Variants in SGCZ observed in about 807,000 individuals in gnomAD.
SGCZ encodes the protein zeta-sarcoglycan.
In SGCZ, 40 loss-of-function variants were observed where a neutral mutation model predicts 41.3. The observed-to-expected ratio is 0.97, with a 90% CI of 0.75 to 1.26. The LOEUF is 1.26. Among genes scored for constraint, SGCZ ranks in the 50% most tolerant of loss-of-function variants. The probability of loss-of-function intolerance (pLI) is 0.00; values close to 1 mark genes in which losing one functional copy is unlikely to be tolerated. For missense variants in SGCZ, 552 were observed against 369.8 expected, an observed-to-expected ratio of 1.49 and a Z score of -4.04; for synonymous variants, 206 against 137.5, an observed-to-expected ratio of 1.50 and a Z score of -3.49.
chr8:14,262,667 A>C (rs895446596), intron 3 of SGCZ, among the ~76,000 whole-genome samples: 2 of 151,884 alleles, frequency 1.3e-5, no homozygotes, highest in African/African-American at 2.4e-5. Flanking sequence ...TTTTATTGTC[A>C]TCGAGCTTTA....
At chr8:14,710,201 TA>T (rs200986748) in intron 1 of SGCZ, among the ~76,000 whole-genome samples, 2 of 133,528 alleles carry the variant, frequency 1.5e-5, no homozygotes, top group Non-Finnish European at 1.6e-5. Context: ...CCGTCTCTAC[TA>T]AAAAAAACAA....
At chr8:15,113,204 G>T in intron 1 of SGCZ, among the ~76,000 whole-genome samples, 1 of 95,162 alleles carries the variant, frequency 1.1e-5, no homozygotes. Flanking sequence ...GCGAGACCTG[G>T]CTCAAAAAAA....
chr8:14,580,125 A>G lies in SGCZ; in HGVS notation c.40-25199T>C, dbSNP rs113292207. ...CCCGGAGAAAGACAGACCTAATAAC[A>G]TAATCACAAACACAGAATTGCTCAG... On this transcript the variant is annotated intron_variant, in intron 1 of 7. Transcript: ENST00000382080. Among the ~76,000 whole-genome samples, 916 of 152,308 alleles carry G rather than the reference A, an allele frequency of 6.0e-3. 12 individuals carry two copies. Among genetic ancestry groups the G allele is most frequent in the African/African-American group, 0.02 (849 of 41,576 alleles).
intron 2 of SGCZ, among the ~76,000 whole-genome samples, chr8:14,509,791 T>C (rs181344371): frequency 1.8e-4 from 27 of 152,184 alleles, no homozygotes; most frequent in Non-Finnish European, 8.8e-5. Context: ...CTTACAATCA[T>C]GGCAGAAGGG....
intron 1 of SGCZ, among the ~76,000 whole-genome samples, chr8:15,015,709 GAA>G (rs1803003390): frequency 1.6e-5 from 2 of 124,556 alleles, no homozygotes; most frequent in African/African-American, 2.9e-5. Flanking sequence ...AAAAAGAAAA[GAA>G]AAAAGAAATA....
chr8:14,210,655 C>G (rs866438242), intron 4 of SGCZ, among the ~76,000 whole-genome samples: 1 of 150,304 alleles, frequency 6.7e-6, no homozygotes, highest in African/African-American at 2.5e-5. Context: ...TTAGTAGAGA[C>G]GGGGTTTCAT....
Position 14,886,032 on chromosome 8 carries a change from TATAA to T in SGCZ, c.40-331110_40-331107del, listed in dbSNP as rs1453520945. Among the ~76,000 whole-genome samples, 12 of 109,764 alleles carry T rather than the reference TATAA, an allele frequency of 1.1e-4. No homozygotes were observed. The East Asian group carries it at 2.6e-3, about 24-fold the overall frequency. The allele number at this position is 109,764 out of a possible 152,430, so 72.0% of individuals were successfully genotyped here. ...ATATATATATATATATATATATATA[TATAA>T]AATTGTATACTTAGCTTTTTCACTT... On this transcript the variant is annotated intron_variant, in intron 1 of 7. Coordinates refer to ENST00000382080, the MANE Select transcript of SGCZ (RefSeq NM_139167.4).
At chr8:14,660,005 C>A (rs770111329) in intron 1 of SGCZ, among the ~76,000 whole-genome samples, 11 of 152,074 alleles carry the variant, frequency 7.2e-5, no homozygotes, top group African/African-American at 1.4e-4. Flanking sequence ...CAAGGAACAC[C>A]TGAGGCTACC....
intron 2 of SGCZ, among the ~76,000 whole-genome samples, chr8:14,408,171 AT>A (rs1799262856): frequency 6.6e-6 from 1 of 152,174 alleles, no homozygotes; most frequent in East Asian, 1.9e-4. Flanking sequence ...GTTTTTAGAC[AT>A]TATGGAAAGA....
intron 1 of SGCZ, among the ~76,000 whole-genome samples, chr8:14,917,344 C>G (rs1425349726): frequency 6.6e-6 from 1 of 151,924 alleles, no homozygotes; most frequent in Admixed American, 6.6e-5. Context: ...TATGATTACT[C>G]TTTTTATTTA....
At chr8:14,799,630 C>T (rs1323904257) in intron 1 of SGCZ, among the ~76,000 whole-genome samples, 1 of 152,048 alleles carries the variant, frequency 6.6e-6, no homozygotes, top group African/African-American at 2.4e-5. Context: ...ATTGCAAGTC[C>T]ACAGGACTTC....
intron 1 of SGCZ, among the ~76,000 whole-genome samples, chr8:14,881,060 C>A (rs2130723178): frequency 6.6e-6 from 1 of 152,194 alleles, no homozygotes; most frequent in South Asian, 2.1e-4. Context: ...TGACCTTGGC[C>A]TGTGACTTAA....
At chr8:14,582,398 T>C (rs1453403406) in intron 1 of SGCZ, among the ~76,000 whole-genome samples, 1 of 152,096 alleles carries the variant, frequency 6.6e-6, no homozygotes, top group Non-Finnish European at 1.5e-5. Context: ...TTTATGCATA[T>C]TTACACACAT....
At chr8:14,722,457 T>C (rs1809917103) in intron 1 of SGCZ, among the ~76,000 whole-genome samples, 1 of 152,054 alleles carries the variant, frequency 6.6e-6, no homozygotes, top group Non-Finnish European at 1.5e-5. Context: ...TTTATTATTA[T>C]AATAAAACAA....
At chr8:14,361,865 G>A (rs759686855) in intron 2 of SGCZ, among the ~76,000 whole-genome samples, 4 of 152,124 alleles carry the variant, frequency 2.6e-5, no homozygotes, top group African/African-American at 4.8e-5. Flanking sequence ...ATGGGGTTTT[G>A]GTGTGGATGT....
chr8:14,237,769 A>C, intron 3 of SGCZ, 90 bp from the exon 4 acceptor site: 2 of 1,234,872 alleles, frequency 1.6e-6, no homozygotes, highest in Non-Finnish European at 2.3e-6. Context: ...GATATTCTGA[A>C]AAATTTAATT....
At chr8:15,043,570 C>A (rs1009372398) in intron 1 of SGCZ, among the ~76,000 whole-genome samples, 1 of 151,988 alleles carries the variant, frequency 6.6e-6, no homozygotes, top group African/African-American at 2.4e-5. Context: ...ATCATTTTTC[C>A]TGTTATTTTT....
intron 1 of SGCZ, among the ~76,000 whole-genome samples, chr8:14,820,165 A>G (rs1201979446): frequency 6.6e-6 from 1 of 152,072 alleles, no homozygotes; most frequent in Non-Finnish European, 1.5e-5. Context: ...ACAAACATCA[A>G]CTAAATGGAA....
At chr8:14,754,689 A>G (rs1316469006) in intron 1 of SGCZ, among the ~76,000 whole-genome samples, 5 of 152,160 alleles carry the variant, frequency 3.3e-5, no homozygotes, top group Non-Finnish European at 7.4e-5. Flanking sequence ...AACCTCAGTA[A>G]TATGGTGCAT....
Sources: gnomAD v4.1 joint callset for allele counts (sites outside exome capture counted in the v4.1 genomes callset) on GRCh38, gnomAD v4.1.1 for gene constraint, MANE v1.5 for transcripts, NCBI Gene and HGNC (gene_info 2026-07-23, HGNC 2026-07-21) for gene names.